The following PNPLA1 variants were observed in gnomAD, a reference collection of about 807,000 sequenced individuals.
PNPLA1 encodes patatin like domain 1, omega-hydroxyceramide transacylase, also known as omega-hydroxyceramide transacylase.
In PNPLA1, 36 loss-of-function variants were observed where a neutral mutation model predicts 51.7. That is an observed-to-expected ratio of 0.70 (90% CI 0.53 to 0.92). The LOEUF (loss-of-function observed/expected upper bound fraction) is 0.92. Among genes scored for constraint, PNPLA1 ranks in the 40% least tolerant of loss-of-function variants. The pLI, the probability that PNPLA1 is intolerant of heterozygous loss-of-function variation, is 0.00. For synonymous variants in PNPLA1, 293 were observed against 280.1 expected, an observed-to-expected ratio of 1.05 and a Z score of -0.46; for missense variants, 658 against 682.5, an observed-to-expected ratio of 0.96 and a Z score of 0.40.
chr6:36,298,440 T>G (rs1770926829), intron 5 of PNPLA1, among the ~76,000 whole-genome samples: 1 of 152,212 alleles, frequency 6.6e-6, no homozygotes, highest in Non-Finnish European at 1.5e-5. Flanking sequence ...AAAAAACACG[T>G]AACAAATTTT....
chr6:36,249,222 G>T (rs866653629), intron 1 of PNPLA1, among the ~76,000 whole-genome samples: 6 of 152,174 alleles, frequency 3.9e-5, no homozygotes, highest in South Asian at 2.1e-4. Context: ...AGTCATCTCG[G>T]TACATCCCAG....
At chr6:36,303,669 T>TA (rs1222903890) in intron 6 of PNPLA1, among the ~76,000 whole-genome samples, 1 of 152,014 alleles carries the variant, frequency 6.6e-6, no homozygotes, top group African/African-American at 2.4e-5. Context: ...CCATCTCTAC[T>TA]AAATACAAAA....
chr6:36,277,355 A>G (rs1770136872), intron 1 of PNPLA1, among the ~76,000 whole-genome samples: 1 of 152,204 alleles, frequency 6.6e-6, no homozygotes, highest in Admixed American at 6.5e-5. Context: ...ATTTAGTCAC[A>G]TGGTCACACC....
chr6:36,244,899 G>A lies in PNPLA1; in HGVS notation c.-81+1638G>A, dbSNP rs960722611. 1.1e-4 allele frequency among the ~76,000 whole-genome samples: 17 copies of A among 152,196 alleles called. 1 individual carries two copies. The highest frequency in any genetic ancestry group is 5.2e-4 in the Admixed American group (8 of 15,280). On this transcript the variant is annotated intron_variant, in intron 1 of 7. Coordinates refer to the PNPLA1 transcript ENST00000312917. Reference sequence around the variant, plus strand: ...TGCAGGGTGCCAAGCAAGGAGAATCGGGCAGCTCATGCTTAAGCCCCGAAC... The same window carrying A: ...TGCAGGGTGCCAAGCAAGGAGAATCAGGCAGCTCATGCTTAAGCCCCGAAC...
intron 6 of PNPLA1, among the ~76,000 whole-genome samples, chr6:36,302,709 C>CA (rs1463800821): frequency 6.6e-6 from 1 of 152,116 alleles, no homozygotes. Context: ...GCAGCAAAAG[C>CA]ATCACCTGGG....
At chr6:36,273,519 G>A (rs1465872364) in intron 1 of PNPLA1, among the ~76,000 whole-genome samples, 1 of 151,788 alleles carries the variant, frequency 6.6e-6, no homozygotes, top group Non-Finnish European at 1.5e-5. Flanking sequence ...AACACCTGGT[G>A]CAGGGATTCT....
At chr6:36,292,409 C>G (rs1770716359) in intron 2 of PNPLA1, among the ~76,000 whole-genome samples, 1 of 152,148 alleles carries the variant, frequency 6.6e-6, no homozygotes, top group Admixed American at 6.5e-5. Context: ...GGCCCTCTCC[C>G]CCACCTTCCA....
At chr6:36,267,161 C>A (rs1018679417), upstream of PNPLA1, among the ~76,000 whole-genome samples, 1 of 152,216 alleles carries the variant, frequency 6.6e-6, no homozygotes, top group East Asian at 1.9e-4. Context: ...CTGCAAAGAT[C>A]ATGAGATGAC....
chr6:36,307,548 A>G, intron 7 of PNPLA1, 39 bp from the exon 8 acceptor site: 2 of 1,604,716 alleles, frequency 1.2e-6, no homozygotes, highest in Non-Finnish European at 1.7e-6. Context: ...GACCGAGGTC[A>G]GGCCCATAAT....
intron 5 of PNPLA1, among the ~76,000 whole-genome samples, chr6:36,298,832 G>A (rs971828361): frequency 6.6e-6 from 1 of 152,182 alleles, no homozygotes. Context: ...TCTGCCACCT[G>A]GGTTCAAGCG....
intron 1 of PNPLA1, among the ~76,000 whole-genome samples, chr6:36,274,338 G>A (rs1770024986): frequency 6.6e-6 from 1 of 152,172 alleles, no homozygotes; most frequent in African/African-American, 2.4e-5. Context: ...AAGGGGTGAG[G>A]AGGCAGGGTC....
intron 1 of PNPLA1, among the ~76,000 whole-genome samples, chr6:36,282,169 A>C (rs560846907): frequency 3.3e-4 from 48 of 144,480 alleles, no homozygotes; most frequent in Non-Finnish European, 6.4e-4. Context: ...GAAAGAAAGA[A>C]AGAGACAGAG....
chr6:36,300,342 A>T (rs12209156), intron 5 of PNPLA1, among the ~76,000 whole-genome samples: 1 of 151,156 alleles, frequency 6.6e-6, no homozygotes, highest in Non-Finnish European at 1.5e-5. Flanking sequence ...CTACAGGTGC[A>T]TGCCACTACC....
intron 1 of PNPLA1, among the ~76,000 whole-genome samples, chr6:36,262,835 A>ATTTATTTATT (rs1433784833): frequency 9.6e-4 from 146 of 152,370 alleles, no homozygotes; most frequent in Non-Finnish European, 1.2e-3. Context: ...TGGCTATACC[A>ATTTATTTATT]TCATTCATTT....
chr6:36,253,176 T>C (rs978620235), intron 1 of PNPLA1, among the ~76,000 whole-genome samples: 11 of 152,144 alleles, frequency 7.2e-5, no homozygotes, highest in African/African-American at 2.4e-4. Flanking sequence ...CGAGACGCTG[T>C]CTTCATAAAC....
At chr6:36,299,581 G>A (rs145766752) in intron 5 of PNPLA1, among the ~76,000 whole-genome samples, 1,860 of 152,156 alleles carry the variant, frequency 0.012, 13 homozygotes, top group Middle Eastern at 0.024. Flanking sequence ...TGATCCACCC[G>A]CCTCGGCCTC....
At chr6:36,281,850 T>A (rs1770292679) in intron 1 of PNPLA1, among the ~76,000 whole-genome samples, 1 of 151,686 alleles carries the variant, frequency 6.6e-6, no homozygotes. Context: ...TGAAACCTTG[T>A]CTCTACTAAA....
At chr6:36,292,418 C>T (rs1770716710) in intron 2 of PNPLA1, among the ~76,000 whole-genome samples, 1 of 152,118 alleles carries the variant, frequency 6.6e-6, no homozygotes, top group African/African-American at 2.4e-5. Context: ...CCCCACCTTC[C>T]ACTCCTACCA....
At chr6:36,285,364 C>T (rs1250504434) in intron 1 of PNPLA1, among the ~76,000 whole-genome samples, 1 of 152,184 alleles carries the variant, frequency 6.6e-6, no homozygotes, top group Non-Finnish European at 1.5e-5. Context: ...ACCAGTGCGC[C>T]CTGAGCCTGG....
Sources: allele counts gnomAD v4.1 joint callset (sites outside exome capture counted in the v4.1 genomes callset), GRCh38; gene constraint gnomAD v4.1.1; transcripts MANE v1.5; gene names NCBI Gene and HGNC (gene_info 2026-07-23, HGNC 2026-07-21).